Variants in LINGO2 observed in about 807,000 individuals in gnomAD.
LINGO2 encodes the protein leucine rich repeat and Ig domain containing 2.
LINGO2 carries 14 observed loss-of-function variants against 30.6 expected under a neutral mutation model. The observed-to-expected ratio is 0.46, with a 90% CI of 0.30 to 0.72. The LOEUF (loss-of-function observed/expected upper bound fraction) is 0.72. LINGO2 is among the 30% of genes least tolerant of loss of function. The pLI, the probability that LINGO2 is intolerant of heterozygous loss-of-function variation, is 0.07. For missense variants in LINGO2, 729 were observed against 751.7 expected (o/e 0.97, Z 0.35); for synonymous variants, 317 against 288.5 (o/e 1.10, Z -1.00).
chr9:28,453,145 T>C (rs1824714087), intron 2 of LINGO2, among the ~76,000 whole-genome samples: 2 of 152,026 alleles, frequency 1.3e-5, no homozygotes, highest in East Asian at 3.9e-4. Flanking sequence ...TTTTTATTTA[T>C]TCAATATTTT....
chr9:28,148,855 A>G lies in LINGO2; in HGVS notation c.-86-136450T>C. ...GTAAAGACCACCTGCCCAGCTCTCCAGGCTTGCTGATGGTGGGGGAGGACA... is the reference window on the plus strand; with the variant it reads ...GTAAAGACCACCTGCCCAGCTCTCCGGGCTTGCTGATGGTGGGGGAGGACA... On this transcript the variant is annotated intron_variant, in intron 4 of 5. Coordinates refer to ENST00000379992, the Ensembl canonical transcript of LINGO2. This position sits in a 1 kb window ranked among gnomAD's most constrained non-coding sequence, Gnocchi z 5.1. 6.5e-7 allele frequency: 1 copy of G among 1,533,748 alleles called. No homozygotes were observed. Among genetic ancestry groups the G allele is most frequent in the Non-Finnish European group, 8.7e-7 (1 of 1,146,526 alleles).
the LINGO2 span, among the ~76,000 whole-genome samples, chr9:29,029,727 T>C: frequency 3.3e-5 from 5 of 152,142 alleles, no homozygotes; most frequent in African/African-American, 9.7e-5. Context: ...CCACCTGATA[T>C]GTTTATAAAC....
chr9:28,126,102 C>T (rs1425094646), intron 4 of LINGO2, among the ~76,000 whole-genome samples: 1 of 152,152 alleles, frequency 6.6e-6, no homozygotes, highest in African/African-American at 2.4e-5. Context: ...AATTTGCCTC[C>T]TCTAAAGTAG....
chr9:28,792,846 T>A, the LINGO2 span, among the ~76,000 whole-genome samples: 15 of 152,156 alleles, frequency 9.9e-5, no homozygotes, highest in Admixed American at 2.0e-4. Flanking sequence ...TCTTTCAAGA[T>A]CATAAGCTTC....
At chr9:28,363,889 C>T (rs1221246363) in intron 3 of LINGO2, among the ~76,000 whole-genome samples, 2 of 151,266 alleles carry the variant, frequency 1.3e-5, no homozygotes, top group Admixed American at 1.3e-4. Flanking sequence ...TTACCTTTGT[C>T]TCCAAACAGG....
the LINGO2 span, among the ~76,000 whole-genome samples, chr9:29,126,062 T>C: frequency 6.6e-6 from 1 of 152,272 alleles, no homozygotes; most frequent in East Asian, 1.9e-4. Context: ...AGGTACACCA[T>C]TATTTTTGGA....
chr9:28,391,642 A>C (rs1049430070), intron 2 of LINGO2, among the ~76,000 whole-genome samples: 10 of 148,010 alleles, frequency 6.8e-5, no homozygotes, highest in Non-Finnish European at 1.0e-4. Flanking sequence ...TGATTTAATC[A>C]CCTCATCCAC....
chr9:28,944,828 T>C, the LINGO2 span, among the ~76,000 whole-genome samples: 1 of 152,072 alleles, frequency 6.6e-6, no homozygotes, highest in Admixed American at 6.6e-5. Context: ...ATAAGCACAC[T>C]GGTAAAAAAC....
chr9:29,038,777 T>C, the LINGO2 span, among the ~76,000 whole-genome samples: 1 of 152,012 alleles, frequency 6.6e-6, no homozygotes, highest in Non-Finnish European at 1.5e-5. Context: ...TATTTTATTA[T>C]CTTAAAAAGT....
At chr9:28,222,985 T>C (rs1038896774) in intron 4 of LINGO2, among the ~76,000 whole-genome samples, 1 of 152,108 alleles carries the variant, frequency 6.6e-6, no homozygotes, top group African/African-American at 2.4e-5. Context: ...AATAGTCCTA[T>C]TTCAAGATAC....
At chr9:28,394,886 TA>T (rs1223574350) in intron 2 of LINGO2, among the ~76,000 whole-genome samples, 1 of 152,238 alleles carries the variant, frequency 6.6e-6, no homozygotes, top group Non-Finnish European at 1.5e-5. Flanking sequence ...TTTTCTTCTT[TA>T]GTAAAATGAA....
chr9:28,448,427 T>G (rs1824513065), intron 2 of LINGO2, among the ~76,000 whole-genome samples: 1 of 152,132 alleles, frequency 6.6e-6, no homozygotes, highest in African/African-American at 2.4e-5. Context: ...AGGCTCATAT[T>G]TTGAACTCTT....
At chr9:27,990,978 G>A (rs544309964) in intron 5 of LINGO2, among the ~76,000 whole-genome samples, 1 of 152,050 alleles carries the variant, frequency 6.6e-6, no homozygotes, top group Admixed American at 6.6e-5. Flanking sequence ...ACTTTCCACG[G>A]GGAAGGCAGC....
chr9:28,164,683 A>G (rs7850371), intron 4 of LINGO2, among the ~76,000 whole-genome samples: 18,777 of 152,174 alleles, frequency 0.12, 1,272 homozygotes, highest in African/African-American at 0.16. Flanking sequence ...TATTTGCAAT[A>G]CATCTGGTCT....
chr9:29,059,596 T>C, the LINGO2 span, among the ~76,000 whole-genome samples: 4 of 151,842 alleles, frequency 2.6e-5, no homozygotes, highest in Non-Finnish European at 5.9e-5. Flanking sequence ...CAATTGATTT[T>C]CAACGAAGGT....
At chr9:28,737,220 G>C in the LINGO2 span, among the ~76,000 whole-genome samples, 1 of 152,168 alleles carries the variant, frequency 6.6e-6, no homozygotes, top group South Asian at 2.1e-4. Context: ...ACAGGAAAAA[G>C]GAGGCCTGGG....
At chr9:29,040,060 G>C in the LINGO2 span, among the ~76,000 whole-genome samples, 1 of 151,916 alleles carries the variant, frequency 6.6e-6, no homozygotes, top group African/African-American at 2.4e-5. Flanking sequence ...TCCTAGAAAA[G>C]TGCTAACTTT....
chr9:28,641,606 C>T (rs1052566780), intron 1 of LINGO2, among the ~76,000 whole-genome samples: 1 of 152,174 alleles, frequency 6.6e-6, no homozygotes, highest in African/African-American at 2.4e-5. Context: ...GTAGGAAAAT[C>T]TAATCTGACC....
At chr9:28,594,447 A>T (rs1425565634) in intron 1 of LINGO2, among the ~76,000 whole-genome samples, 1 of 152,036 alleles carries the variant, frequency 6.6e-6, no homozygotes, top group Non-Finnish European at 1.5e-5. Context: ...CACTAAGTCA[A>T]ACTGCTTGCA....
Sources: allele counts gnomAD v4.1 joint callset (sites outside exome capture counted in the v4.1 genomes callset), GRCh38; gene constraint gnomAD v4.1.1; non-coding constraint Gnocchi (gnomAD v3.1); transcripts MANE v1.5; gene names NCBI Gene and HGNC (gene_info 2026-07-23, HGNC 2026-07-21).